Variants in PEX14 observed in about 807,000 individuals in gnomAD.
PEX14 encodes the protein peroxisomal membrane protein PEX14.
In PEX14, 15 loss-of-function variants were observed where a neutral mutation model predicts 49.5. That is an observed-to-expected ratio of 0.30 (90% CI 0.20 to 0.47). The LOEUF (loss-of-function observed/expected upper bound fraction) is 0.47. PEX14 is among the 20% of genes least tolerant of loss of function. The pLI, the probability that PEX14 is intolerant of heterozygous loss-of-function variation, is 1.00. For synonymous variants in PEX14, 210 were observed against 212.7 expected (o/e 0.99, Z 0.11); for missense variants, 398 against 494.8 (o/e 0.80, Z 1.86).
intron 2 of PEX14, among the ~76,000 whole-genome samples, chr1:10,516,266 A>G (rs1641968298): frequency 6.6e-6 from 1 of 152,212 alleles, no homozygotes; most frequent in Non-Finnish European, 1.5e-5. Context: ...TTTATAGTCC[A>G]AATCACAGAT....
intron 1 of PEX14, among the ~76,000 whole-genome samples, chr1:10,489,195 A>T (rs1641426877): frequency 6.6e-6 from 1 of 151,690 alleles, no homozygotes; most frequent in African/African-American, 2.4e-5. Flanking sequence ...TGGTCAGGCT[A>T]GTCTCGAACT....
At chr1:10,610,356 C>CATAT (rs999014236) in intron 4 of PEX14, among the ~76,000 whole-genome samples, 6 of 143,034 alleles carry the variant, frequency 4.2e-5, no homozygotes, top group African/African-American at 1.3e-4. Flanking sequence ...TATAACTTTA[C>CATAT]ATATATATAT....
intron 6 of PEX14, among the ~76,000 whole-genome samples, chr1:10,624,044 G>A (rs1459294035): frequency 2.6e-5 from 4 of 152,328 alleles, no homozygotes; most frequent in African/African-American, 4.8e-5. Flanking sequence ...AGAGAAGCCG[G>A]GAGAGCTCAG....
intron 1 of PEX14, among the ~76,000 whole-genome samples, chr1:10,493,014 C>G (rs1034275906): frequency 1.3e-5 from 2 of 152,146 alleles, no homozygotes; most frequent in African/African-American, 4.8e-5. Context: ...TTAGCTGGAT[C>G]TGAAGGATGA....
chr1:10,624,494 C>A, intron 7 of PEX14, 57 bp downstream of exon 7: 1 of 1,183,282 alleles, frequency 8.5e-7, no homozygotes, highest in Non-Finnish European at 1.3e-6. Context: ...ATGTGCCCTT[C>A]ACTCTTGTCC....
chr1:10,551,089 C>T (rs1201294700), intron 3 of PEX14, among the ~76,000 whole-genome samples: 1 of 152,088 alleles, frequency 6.6e-6, no homozygotes, highest in African/African-American at 2.4e-5. Flanking sequence ...ATAGGGTGAC[C>T]TCTGCTCCTG....
chr1:10,498,018 G>A (rs1481707875), intron 2 of PEX14, among the ~76,000 whole-genome samples: 1 of 152,204 alleles, frequency 6.6e-6, no homozygotes, highest in African/African-American at 2.4e-5. Flanking sequence ...AGTGGCTCAT[G>A]CCTATCATCC....
intron 3 of PEX14, among the ~76,000 whole-genome samples, chr1:10,552,671 G>A (rs946341401): frequency 2.0e-5 from 3 of 152,158 alleles, no homozygotes. Context: ...TTTAATATTT[G>A]TAGTTTAGTG....
chr1:10,559,783 C>T (rs1199052610), intron 3 of PEX14, among the ~76,000 whole-genome samples: 1 of 152,212 alleles, frequency 6.6e-6, no homozygotes, highest in African/African-American at 2.4e-5. Context: ...GCTTCTGTGT[C>T]ATCAGGCTGC....
At chr1:10,601,185 C>T (rs905656235) in intron 4 of PEX14, among the ~76,000 whole-genome samples, 1 of 144,704 alleles carries the variant, frequency 6.9e-6, no homozygotes, top group East Asian at 2.1e-4. Context: ...TCGCTTGAAC[C>T]GAGGAGGTGG....
chr1:10,548,069 T>G (rs896049885), intron 3 of PEX14, among the ~76,000 whole-genome samples: 11 of 152,040 alleles, frequency 7.2e-5, no homozygotes, highest in African/African-American at 2.4e-4. Flanking sequence ...TAAAAAAAAT[T>G]AGCCAGGCGT....
rs929975232 is a variant in PEX14, at chr1:10,619,604, C to T, written c.384+1187C>T. Among the ~76,000 whole-genome samples, 5 of 152,052 alleles carry T rather than the reference C, an allele frequency of 3.3e-5. No individual in the cohort carries two copies. In the East Asian group the frequency reaches 7.7e-4, roughly 24 times the overall value. On this transcript the variant is annotated intron_variant, in intron 5 of 8. Transcript: ENST00000356607. ...TGCCAGGATTACAGGCTTGAGCCACCGTGCCCGGCTGGTGATTTTCTTTTT... is the reference window on the plus strand; with the variant it reads ...TGCCAGGATTACAGGCTTGAGCCACTGTGCCCGGCTGGTGATTTTCTTTTT...
At chr1:10,616,609 G>T (rs943979377) in intron 4 of PEX14, among the ~76,000 whole-genome samples, 4 of 152,282 alleles carry the variant, frequency 2.6e-5, no homozygotes, top group African/African-American at 7.2e-5. Context: ...AGATCCTTCG[G>T]GGGGAGGCAG....
At chr1:10,516,523 C>T (rs1002508451) in intron 2 of PEX14, among the ~76,000 whole-genome samples, 9 of 152,202 alleles carry the variant, frequency 5.9e-5, no homozygotes, top group Non-Finnish European at 1.0e-4. Flanking sequence ...AAATCTCCTG[C>T]CTGAAACTTT....
intron 3 of PEX14, among the ~76,000 whole-genome samples, chr1:10,580,251 A>C (rs1293032302): frequency 6.6e-6 from 1 of 152,000 alleles, no homozygotes; most frequent in African/African-American, 2.4e-5. Flanking sequence ...TTGAGATAGG[A>C]TCTCACTCTG....
At chr1:10,604,010 T>C (rs141036865) in intron 4 of PEX14, among the ~76,000 whole-genome samples, 4 of 152,336 alleles carry the variant, frequency 2.6e-5, no homozygotes, top group African/African-American at 7.2e-5. Flanking sequence ...CACAAACTTA[T>C]CTGTGGTTAT....
At position 10,514,156 on chromosome 1, in the gene PEX14, CTGTGTGTGTG is replaced by C. The variant is rs56306413; in HGVS notation, c.84+18869_84+18878del. On this transcript the variant is annotated intron_variant, in intron 2 of 8. Transcript: ENST00000356607. This position sits in a 1 kb window ranked among gnomAD's most constrained non-coding sequence, Gnocchi z 4.4. ...AAAATGTATAAAATAATCTATGCCT[CTGTGTGTGTG>C]TGTGTGTGTGTGTGTGTGTGTGTGT... Among the ~76,000 whole-genome samples, 40 of 143,172 alleles carry C rather than the reference CTGTGTGTGTG, an allele frequency of 2.8e-4. 1 individual carries two copies. The highest frequency in any genetic ancestry group is 1.6e-3 in the South Asian group (7 of 4,294). The allele number at this position is 143,172 out of a possible 152,430, so 93.9% of individuals were successfully genotyped here. A position where few individuals can be genotyped will look rare whatever the true frequency, so the allele number is the denominator to read the frequency against.
rs373069593 is a variant in PEX14 at position 10,616,500 on chromosome 1, G to A, written c.299-1832G>A. On this transcript the variant is annotated intron_variant, in intron 4 of 8. Transcript: ENST00000356607. ...TTCCCTCTCCCCCTTTCTCCCAGATGAGCAGCACACTGTGGGGGCGCCTTC... is the reference window on the plus strand; with the variant it reads ...TTCCCTCTCCCCCTTTCTCCCAGATAAGCAGCACACTGTGGGGGCGCCTTC... Among the ~76,000 whole-genome samples the A allele has an allele frequency of 2.6e-5, 4 of 152,266 alleles. No individual in the cohort carries two copies. The South Asian group carries it at 8.3e-4, about 32-fold the overall frequency.
Position 10,529,294 on chromosome 1 carries a change from G to A in PEX14, c.85-6919G>A, listed in dbSNP as rs910163536. Among the ~76,000 whole-genome samples, 1 of 152,184 alleles carries A rather than the reference G, an allele frequency of 6.6e-6. No individual in the cohort carries two copies. Among genetic ancestry groups the A allele is most frequent in the Non-Finnish European group, 1.5e-5 (1 of 68,034 alleles). On this transcript the variant is annotated intron_variant, in intron 2 of 8. Transcript: ENST00000356607. This position sits in a 1 kb window ranked among gnomAD's most constrained non-coding sequence, Gnocchi z 4.2. ...TTCTGTGGCGTGGTGACCGTCACCC[G>A]CTGCATCAGCAGCTCTGCTTTTCAA...
Sources: allele counts gnomAD v4.1 joint callset (sites outside exome capture counted in the v4.1 genomes callset), GRCh38; gene constraint gnomAD v4.1.1; non-coding constraint Gnocchi (gnomAD v3.1); transcripts MANE v1.5; gene names NCBI Gene and HGNC (gene_info 2026-07-23, HGNC 2026-07-21).